STK31: variants seen among roughly 807,000 people sequenced by gnomAD.
STK31 encodes serine/threonine kinase 31.
A neutral mutation model predicts 129.7 loss-of-function variants in STK31; 89 were observed. The ratio of observed to expected loss-of-function variants is 0.69; its 90% confidence interval spans 0.58 to 0.82. STK31 has a LOEUF of 0.82. Among genes scored for constraint, STK31 ranks in the 40% least tolerant of loss-of-function variants. STK31 has a pLI of 0.00. For synonymous variants in STK31, 448 were observed against 395.3 expected, an observed-to-expected ratio of 1.13 and a Z score of -1.58; for missense variants, 1,187 against 1,176.4, an observed-to-expected ratio of 1.01 and a Z score of -0.13.
At chr7:23,730,878 A>ATATATATATATAT in intron 6 of STK31, among the ~76,000 whole-genome samples, 1 of 59,554 alleles carries the variant, frequency 1.7e-5, no homozygotes, top group African/African-American at 5.8e-5. Context: ...ATATATATAT[A>ATATATATATATAT]TTTTTTTTTT....
At chr7:23,712,309 TC>T (rs1030689277) in intron 3 of STK31, 23 bp downstream of exon 3, 2 of 1,612,734 alleles carry the variant, frequency 1.2e-6, no homozygotes, top group African/African-American at 1.3e-5. Flanking sequence ...CTGGTTGATA[TC>T]CCCCCTCACC....
chr7:23,824,360 A>G (rs1414325545), intron 23 of STK31, among the ~76,000 whole-genome samples: 5 of 152,180 alleles, frequency 3.3e-5, no homozygotes, highest in Admixed American at 1.3e-4. Flanking sequence ...CTTTGAAGCA[A>G]TTGTGAATGG....
chr7:23,775,124 A>G (rs1445346784), intron 15 of STK31, among the ~76,000 whole-genome samples: 2 of 143,252 alleles, frequency 1.4e-5, no homozygotes, highest in African/African-American at 6.1e-5. Flanking sequence ...AGGTTTGTCA[A>G]AGATCAGATG....
At chr7:23,790,017 A>G (rs1410980577) in intron 21 of STK31, among the ~76,000 whole-genome samples, 2 of 152,140 alleles carry the variant, frequency 1.3e-5, no homozygotes, top group Non-Finnish European at 2.9e-5. Context: ...CCTGGGGTTC[A>G]TGTTAAAATG....
intron 3 of STK31, 23 bp downstream of exon 3, chr7:23,712,309 T>TC (rs1030689277): frequency 2.5e-6 from 4 of 1,612,734 alleles, no homozygotes; most frequent in Non-Finnish European, 3.4e-6. Context: ...CTGGTTGATA[T>TC]CCCCCCTCAC....
intron 22 of STK31, among the ~76,000 whole-genome samples, chr7:23,798,615 G>T (rs1419422226): frequency 6.6e-6 from 1 of 152,016 alleles, no homozygotes; most frequent in Non-Finnish European, 1.5e-5. Flanking sequence ...ATAATAAAAG[G>T]TATTCATGAC....
intron 5 of STK31, among the ~76,000 whole-genome samples, chr7:23,728,072 C>CTTTTTTTTTTTTTTTT (rs56355518): frequency 4.4e-5 from 3 of 68,290 alleles, no homozygotes; most frequent in Non-Finnish European, 5.4e-5. Context: ...TTGTGTTAAG[C>CTTTTTTTTTTTTTTTT]TTTTTTTTTT....
chr7:23,821,564 G>A (rs569329921), intron 23 of STK31, among the ~76,000 whole-genome samples: 2 of 152,114 alleles, frequency 1.3e-5, no homozygotes, highest in South Asian at 2.1e-4. Context: ...TGTGTTGGAT[G>A]AATAGTTTGC....
chr7:23,811,145 T>C (rs1264043713), intron 22 of STK31: 1 of 163,050 alleles, frequency 6.1e-6, no homozygotes, highest in African/African-American at 2.4e-5. Context: ...GATTTGTTAA[T>C]TTTTTTCCAT....
chr7:23,758,391 G>A (rs1584396151), intron 10 of STK31, among the ~76,000 whole-genome samples: 1 of 151,598 alleles, frequency 6.6e-6, no homozygotes, highest in East Asian at 1.9e-4. Context: ...GGTCTGTTTT[G>A]TTACTTTTTT....
At chr7:23,809,526 T>C (rs1228547120) in intron 22 of STK31, among the ~76,000 whole-genome samples, 1 of 152,176 alleles carries the variant, frequency 6.6e-6, no homozygotes, top group African/African-American at 2.4e-5. Context: ...CCCCCACATA[T>C]GCCAAAATCT....
intron 22 of STK31, chr7:23,811,278 T>G (rs188162158): frequency 5.2e-6 from 2 of 386,022 alleles, no homozygotes; most frequent in East Asian, 1.5e-4. Flanking sequence ...TTTTTGAAAT[T>G]AGCAAGTATG....
At chr7:23,770,559 A>G (rs372184283) in intron 13 of STK31, among the ~76,000 whole-genome samples, 1 of 152,144 alleles carries the variant, frequency 6.6e-6, no homozygotes, top group Non-Finnish European at 1.5e-5. Context: ...TAATGCTCTT[A>G]TTCTACACAG....
intron 10 of STK31, among the ~76,000 whole-genome samples, chr7:23,760,822 C>T (rs1789417863): frequency 6.6e-6 from 1 of 152,072 alleles, no homozygotes; most frequent in Non-Finnish European, 1.5e-5. Context: ...ACCAACCATG[C>T]CTGGCTAATT....
chr7:23,812,290 A>G (rs1036497988), intron 22 of STK31, among the ~76,000 whole-genome samples: 3 of 151,382 alleles, frequency 2.0e-5, no homozygotes, highest in Non-Finnish European at 4.4e-5. Flanking sequence ...CCATAATTTC[A>G]TATGATAAAC....
intron 10 of STK31, 24 bp from the exon 11 acceptor site, chr7:23,762,777 G>T: frequency 1.2e-6 from 2 of 1,606,116 alleles, no homozygotes; most frequent in South Asian, 1.1e-5. Context: ...ATTAATGATG[G>T]TTATTCTTTT....
Position 23,710,221 on chromosome 7 carries a change from G to A in STK31, c.-65G>A. The stretch of plus-strand genomic sequence containing the variant: ...CGCAGGCGCAGTGTGGGGCCCTTGC[G>A]GTCGAAGCTCACGCGGTAAGCCGCT... On this transcript the variant is annotated 5_prime_UTR_variant, in exon 1 of 24. Coordinates refer to ENST00000355870, the MANE Select transcript of STK31 (RefSeq NM_031414.5). 1.2e-6 allele frequency: 2 copies of A among 1,610,918 alleles called. No individual in the cohort carries two copies. The highest frequency in any genetic ancestry group is 1.7e-6 in the Non-Finnish European group (2 of 1,179,492).
chr7:23,720,868 A>G (rs1236852756), intron 4 of STK31, among the ~76,000 whole-genome samples: 1 of 152,218 alleles, frequency 6.6e-6, no homozygotes. Context: ...AACAAAAGTA[A>G]GGTAAATAGG....
At chr7:23,787,082 A>G (rs1010115932) in intron 20 of STK31, among the ~76,000 whole-genome samples, 158 bp downstream of exon 20, 3 of 152,342 alleles carry the variant, frequency 2.0e-5, no homozygotes, top group African/African-American at 7.2e-5. Flanking sequence ...ATCGTGTTAT[A>G]TAGATGAGAA....
Sources: allele counts gnomAD v4.1 joint callset (sites outside exome capture counted in the v4.1 genomes callset), GRCh38; gene constraint gnomAD v4.1.1; transcripts MANE v1.5; gene names NCBI Gene and HGNC (gene_info 2026-07-23, HGNC 2026-07-21).